The following FHIT variants were observed in gnomAD, a reference collection of about 807,000 sequenced individuals.
The protein encoded by FHIT is bis(5'-adenosyl)-triphosphatase.
In FHIT, 19 loss-of-function variants were observed where a neutral mutation model predicts 17.9. The observed-to-expected ratio is 1.06, with a 90% CI of 0.74 to 1.56. The LOEUF is 1.56. Ranked by LOEUF, FHIT falls within the 40% of genes most tolerant of loss-of-function variation. The pLI is 0.00. For missense variants in FHIT, 248 were observed against 189.2 expected (o/e 1.31, Z -1.82); for synonymous variants, 81 against 69.7 (o/e 1.16, Z -0.81).
chr3:61,079,249 C>T (rs1245097676), intron 2 of FHIT, among the ~76,000 whole-genome samples: 1 of 152,088 alleles, frequency 6.6e-6, no homozygotes, highest in East Asian at 1.9e-4. Context: ...TAATATACTG[C>T]CTGGAGATTT....
intron 5 of FHIT, among the ~76,000 whole-genome samples, chr3:60,156,333 G>T (rs1196806798): frequency 1.3e-5 from 2 of 149,880 alleles, no homozygotes; most frequent in African/African-American, 5.0e-5. Flanking sequence ...CTGGGTGACA[G>T]AGTGAGACTC....
At chr3:60,011,069 C>T (rs911990737) in intron 7 of FHIT, among the ~76,000 whole-genome samples, 2 of 152,202 alleles carry the variant, frequency 1.3e-5, no homozygotes, top group African/African-American at 4.8e-5. Flanking sequence ...ATGCTATTTC[C>T]TAGACACTCT....
intron 8 of FHIT, among the ~76,000 whole-genome samples, chr3:59,832,318 C>A (rs1384764601): frequency 6.6e-6 from 1 of 152,140 alleles, no homozygotes; most frequent in Non-Finnish European, 1.5e-5. Context: ...CCTGTGACAC[C>A]AGACGTCTTT....
chr3:60,767,831 G>A (rs1033855304), intron 4 of FHIT, among the ~76,000 whole-genome samples: 1 of 152,180 alleles, frequency 6.6e-6, no homozygotes, highest in African/African-American at 2.4e-5. Context: ...TGTGTGGCCT[G>A]AGCTGCCCAA....
intron 5 of FHIT, among the ~76,000 whole-genome samples, chr3:60,035,390 C>T (rs1406285293): frequency 1.3e-5 from 2 of 152,176 alleles, no homozygotes; most frequent in Admixed American, 6.5e-5. Context: ...GTGCCTGCCA[C>T]CATGCCCAGC....
At chr3:60,474,795 G>T (rs1282820969) in intron 5 of FHIT, among the ~76,000 whole-genome samples, 1 of 151,846 alleles carries the variant, frequency 6.6e-6, no homozygotes, top group Non-Finnish European at 1.5e-5. Flanking sequence ...AGCTACTTTT[G>T]TATTTTTAGT....
intron 5 of FHIT, among the ~76,000 whole-genome samples, chr3:60,075,201 A>C (rs975125321): frequency 1.3e-5 from 2 of 152,130 alleles, no homozygotes; most frequent in African/African-American, 4.8e-5. Context: ...TTAAAATAGC[A>C]GACTGCCTGT....
In FHIT at chr3:60,288,680, C is replaced by G. The variant is rs148387531; in HGVS notation, c.103+248180G>C. Among the ~76,000 whole-genome samples, 30 of 150,750 alleles carry G rather than the reference C, an allele frequency of 2.0e-4. 1 individual carries two copies. The highest frequency in any genetic ancestry group is 6.8e-4 in the African/African-American group (28 of 40,960). On this transcript the variant is annotated intron_variant, in intron 5 of 9. Transcript: ENST00000492590. ...ACCTGATGAAGTCTGTGTACAACTT[C>G]CAAAAATCATACTTTTAAAAAAAAG...
chr3:61,190,308 C>G (rs1431478460), intron 2 of FHIT, among the ~76,000 whole-genome samples: 1 of 152,158 alleles, frequency 6.6e-6, no homozygotes, highest in African/African-American at 2.4e-5. Flanking sequence ...GACATTTATG[C>G]AGCCAAAAGA....
chr3:59,981,212 T>C (rs1291253111), intron 7 of FHIT, among the ~76,000 whole-genome samples: 1 of 152,164 alleles, frequency 6.6e-6, no homozygotes, highest in Non-Finnish European at 1.5e-5. Context: ...AAGAATACTA[T>C]GCTTTAGATT....
chr3:60,001,979 T>A (rs1699747696), intron 7 of FHIT, among the ~76,000 whole-genome samples: 1 of 152,158 alleles, frequency 6.6e-6, no homozygotes, highest in African/African-American at 2.4e-5. Flanking sequence ...GAACACGAAC[T>A]GATATATGGA....
chr3:60,432,529 C>A (rs1485037561), intron 5 of FHIT, among the ~76,000 whole-genome samples: 1 of 152,042 alleles, frequency 6.6e-6, no homozygotes, highest in East Asian at 1.9e-4. Flanking sequence ...TATCTTAACA[C>A]AGAGGTTCTT....
chr3:60,715,781 A>C (rs2041668122), intron 4 of FHIT, among the ~76,000 whole-genome samples: 1 of 152,182 alleles, frequency 6.6e-6, no homozygotes, highest in Non-Finnish European at 1.5e-5. Flanking sequence ...TAATAATAAA[A>C]AACAAAACAA....
intron 7 of FHIT, among the ~76,000 whole-genome samples, chr3:59,992,229 C>T (rs1233456930): frequency 1.3e-5 from 2 of 151,962 alleles, no homozygotes; most frequent in African/African-American, 4.8e-5. Context: ...TTAAACCTAA[C>T]CAAATGAGAA....
At chr3:60,722,244 GA>G (rs1553708229) in intron 4 of FHIT, among the ~76,000 whole-genome samples, 1 of 152,230 alleles carries the variant, frequency 6.6e-6, no homozygotes, top group Admixed American at 6.5e-5. Context: ...ATTCAAAGAA[GA>G]GGGGGCCTTC....
chr3:60,537,554 G>A (rs2036029419), intron 4 of FHIT: 3 of 615,418 alleles, frequency 4.9e-6, no homozygotes, highest in Non-Finnish European at 4.1e-6. Context: ...AAAGAAGGAA[G>A]GAGCAAAACG....
At chr3:60,861,452 T>A (rs1172201818) in intron 3 of FHIT, among the ~76,000 whole-genome samples, 1 of 150,946 alleles carries the variant, frequency 6.6e-6, no homozygotes, top group Non-Finnish European at 1.5e-5. Context: ...GCCTCTATCC[T>A]GCTAGATGCC....
chr3:60,281,356 A>T (rs1707442943), intron 5 of FHIT, among the ~76,000 whole-genome samples: 1 of 152,186 alleles, frequency 6.6e-6, no homozygotes, highest in Non-Finnish European at 1.5e-5. Context: ...TTCATAGAGA[A>T]GGGCTCAAGA....
chr3:59,783,099 C>T (rs1702672300), intron 8 of FHIT, among the ~76,000 whole-genome samples: 1 of 152,060 alleles, frequency 6.6e-6, no homozygotes, highest in Non-Finnish European at 1.5e-5. Flanking sequence ...GACTCTGATC[C>T]CAGAATACCC....
Sources: gnomAD v4.1 joint callset for allele counts (sites outside exome capture counted in the v4.1 genomes callset) on GRCh38, gnomAD v4.1.1 for gene constraint, MANE v1.5 for transcripts, NCBI Gene and HGNC (gene_info 2026-07-23, HGNC 2026-07-21) for gene names.